ZNF799: variants seen among roughly 807,000 people sequenced by gnomAD.
ZNF799 encodes zinc finger protein 14.
In ZNF799, 28 loss-of-function variants were observed where a neutral mutation model predicts 41.0. That is an observed-to-expected ratio of 0.68 (90% CI 0.51 to 0.94). The LOEUF is 0.94. Ranked by LOEUF, ZNF799 falls within the 40% of genes least tolerant of loss-of-function variation. ZNF799 has a pLI of 0.00. For missense variants in ZNF799, 716 were observed against 764.3 expected, an observed-to-expected ratio of 0.94 and a Z score of 0.74; for synonymous variants, 213 against 252.9, an observed-to-expected ratio of 0.84 and a Z score of 1.50.
chr19:12,402,076 T>A (rs1186612975), upstream of ZNF799, among the ~76,000 whole-genome samples: 1 of 152,270 alleles, frequency 6.6e-6, no homozygotes, highest in Non-Finnish European at 1.5e-5. Context: ...TAACCATCCT[T>A]CTACACGTTT....
At chr19:12,405,517 A>T (rs915026141), upstream of ZNF799, among the ~76,000 whole-genome samples, 5 of 152,214 alleles carry the variant, frequency 3.3e-5, no homozygotes, top group Non-Finnish European at 5.9e-5. Context: ...GTTTTCAAGG[A>T]ATGCCCCAGT....
the ZNF799 span, among the ~76,000 whole-genome samples, chr19:12,406,629 G>A: frequency 4.6e-5 from 7 of 152,078 alleles, no homozygotes; most frequent in African/African-American, 1.4e-4. Context: ...GGCCTGGCGC[G>A]GTGGCTCATG....
At chr19:12,404,488 G>A (rs560645769), upstream of ZNF799, among the ~76,000 whole-genome samples, 25 of 151,790 alleles carry the variant, frequency 1.6e-4, no homozygotes, top group South Asian at 8.3e-4. Flanking sequence ...ACGCTGGAGC[G>A]CAATGTTGCA....
intron 1 of ZNF799, chr19:12,394,947 T>C (rs1297332603): frequency 1.1e-6 from 1 of 915,850 alleles, no homozygotes; most frequent in East Asian, 1.2e-4. Flanking sequence ...AGAAAAGTCT[T>C]GTGGAGCTTT....
At chr19:12,392,397 T>G (rs1969838970) in intron 3 of ZNF799, among the ~76,000 whole-genome samples, 191 bp from the exon 4 acceptor site, 1 of 152,268 alleles carries the variant, frequency 6.6e-6, no homozygotes, top group South Asian at 2.1e-4. Context: ...CACATTCATA[T>G]GTGGATTCAT....
intron 1 of ZNF799, 43 bp downstream of exon 1, chr19:12,401,025 C>G (rs1384378414): frequency 6.2e-7 from 1 of 1,613,928 alleles, no homozygotes; most frequent in East Asian, 2.2e-5. Context: ...CAGGTTCCAC[C>G]CAGCCCCTCC....
upstream of ZNF799, chr19:12,401,390 C>G: frequency 1.6e-6 from 1 of 631,134 alleles, no homozygotes; most frequent in Non-Finnish European, 2.6e-6. Flanking sequence ...TGAGCAAGTT[C>G]CTGACACAGC....
intron 1 of ZNF799, chr19:12,395,146 T>C (rs1234913274): frequency 6.6e-6 from 1 of 151,194 alleles, no homozygotes; most frequent in Non-Finnish European, 1.5e-5. Flanking sequence ...CTGTCTTTTT[T>C]TTTTTTTTTT....
chr19:12,412,844 A>G, the ZNF799 span, among the ~76,000 whole-genome samples: 2 of 151,946 alleles, frequency 1.3e-5, no homozygotes, highest in Admixed American at 1.3e-4. Context: ...GTTTGAGACC[A>G]GCCTGACCAA....
the ZNF799 span, among the ~76,000 whole-genome samples, chr19:12,408,395 G>A: frequency 6.6e-5 from 10 of 152,134 alleles, no homozygotes; most frequent in African/African-American, 1.4e-4. Flanking sequence ...ACATATGTAC[G>A]TAGTAATCCA....
chr19:12,403,557 T>C (rs901598372), upstream of ZNF799, among the ~76,000 whole-genome samples: 6 of 151,744 alleles, frequency 4.0e-5, no homozygotes, highest in African/African-American at 1.2e-4. Flanking sequence ...TCTTCTTCTT[T>C]TTTTTTTTGA....
rs747072794 is a variant in ZNF799 at position 12,391,105 on chromosome 19, A to G, written c.1293T>C (p.Arg431=). Residue 431 remains arginine (R), a synonymous_variant, in exon 4 of 4, where the codon CGT becomes CGC. Coordinates refer to ENST00000430385, the MANE Select transcript of ZNF799 (RefSeq NM_001080821.3). ...CATGCCTTCGAAGAGAACTGGAAAT[A>G]CGGTAGGCTTTGCCACATTGTTTAC... The part of the protein sequence containing the change: ...YKCKQCGKAY[R]ISSSLRRHET... The G allele has an allele frequency of 1.9e-6, 3 of 1,614,092 alleles. No homozygotes were observed. Among genetic ancestry groups the G allele is most frequent in the South Asian group, 1.1e-5 (1 of 91,088 alleles).
intron 1 of ZNF799, chr19:12,394,863 T>G: frequency 1.0e-6 from 1 of 984,936 alleles, no homozygotes; most frequent in Non-Finnish European, 1.2e-6. Context: ...CAAAAACAAA[T>G]AAAGGATTTT....
upstream of ZNF799, among the ~76,000 whole-genome samples, chr19:12,402,234 A>G (rs1333871647): frequency 6.6e-6 from 1 of 152,242 alleles, no homozygotes; most frequent in Non-Finnish European, 1.5e-5. Flanking sequence ...CTGTTGGCAT[A>G]TAAAAATGTT....
At chr19:12,401,486 C>G (rs1969985330), upstream of ZNF799, among the ~76,000 whole-genome samples, 1 of 150,606 alleles carries the variant, frequency 6.6e-6, no homozygotes, top group African/African-American at 2.4e-5. Context: ...CCTGCCTGTA[C>G]TCAATAGGAC....
intron 1 of ZNF799, among the ~76,000 whole-genome samples, chr19:12,396,372 G>C (rs367620970): frequency 1.4e-4 from 22 of 152,378 alleles, no homozygotes; most frequent in African/African-American, 5.3e-4. Flanking sequence ...GAAATTAACT[G>C]GGCGTGGTGG....
At chr19:12,393,657 C>A (rs925121396) in intron 1 of ZNF799, 131 of 1,371,668 alleles carry the variant, frequency 9.6e-5, no homozygotes, top group Middle Eastern at 2.8e-4. Context: ...CACTTGTTGG[C>A]GAACTGAGTG....
chr19:12,401,277 C>T, upstream of ZNF799: 1 of 1,363,050 alleles, frequency 7.3e-7, no homozygotes, highest in Admixed American at 2.8e-5. Context: ...TTGACAGTTC[C>T]CACGAACCCG....
intron 1 of ZNF799, among the ~76,000 whole-genome samples, chr19:12,399,203 T>A (rs1055347623): frequency 6.6e-6 from 1 of 152,300 alleles, no homozygotes; most frequent in East Asian, 1.9e-4. Context: ...GGGTGGGTCA[T>A]CCTATCACCT....
Sources: gnomAD v4.1 joint callset for allele counts (sites outside exome capture counted in the v4.1 genomes callset) on GRCh38, gnomAD v4.1.1 for gene constraint, MANE v1.5 for transcripts, NCBI Gene and HGNC (gene_info 2026-07-23, HGNC 2026-07-21) for gene names.